Variants in CCDC7 observed in about 807,000 individuals in gnomAD.
The protein encoded by CCDC7 is coiled-coil domain-containing protein 7.
CCDC7 carries 183 observed loss-of-function variants against 196.9 expected under a neutral mutation model. The observed-to-expected ratio is 0.93, with a 90% CI of 0.82 to 1.05. The LOEUF (loss-of-function observed/expected upper bound fraction) is 1.05. CCDC7 is among the 50% of genes least tolerant of loss of function. CCDC7 has a pLI of 0.00. For synonymous variants in CCDC7, 525 were observed against 484.6 expected, an observed-to-expected ratio of 1.08 and a Z score of -1.10; for missense variants, 1,540 against 1,482.2, an observed-to-expected ratio of 1.04 and a Z score of -0.64.
intron 27 of CCDC7, 141 bp from the exon 29 acceptor site, chr10:32,729,191 T>G: frequency 1.1e-6 from 1 of 904,886 alleles, no homozygotes; most frequent in South Asian, 1.8e-5. Flanking sequence ...TGGTCATTAA[T>G]TATAAGTAGT....
chr10:32,745,195 A>G (rs1193230965), intron 28 of CCDC7, among the ~76,000 whole-genome samples: 2 of 152,278 alleles, frequency 1.3e-5, no homozygotes, highest in Non-Finnish European at 1.5e-5. Context: ...TCTTTTTATA[A>G]GACCACACTG....
intron 11 of CCDC7, among the ~76,000 whole-genome samples, chr10:32,525,406 A>G (rs1007154551): frequency 6.6e-6 from 1 of 152,142 alleles, no homozygotes; most frequent in Non-Finnish European, 1.5e-5. Flanking sequence ...CTTTTAAAAT[A>G]TTTTAATCTC....
At chr10:32,715,571 G>A (rs1483160345) in intron 25 of CCDC7, among the ~76,000 whole-genome samples, 4 of 152,192 alleles carry the variant, frequency 2.6e-5, no homozygotes, top group Non-Finnish European at 5.9e-5. Context: ...GACAGAAGTA[G>A]GCTTCAGGAG....
At chr10:32,602,265 C>T (rs2061126693) in intron 18 of CCDC7, among the ~76,000 whole-genome samples, 1 of 151,854 alleles carries the variant, frequency 6.6e-6, no homozygotes, top group Non-Finnish European at 1.5e-5. Context: ...CACGAACCCA[C>T]CAGAAAGAAG....
downstream of CCDC7, among the ~76,000 whole-genome samples, chr10:32,879,952 T>C (rs945328482): frequency 2.2e-4 from 34 of 152,184 alleles, no homozygotes; most frequent in African/African-American, 8.2e-4. Context: ...AGTCTACCAC[T>C]GATGGGCATT....
intron 13 of CCDC7, among the ~76,000 whole-genome samples, chr10:32,553,524 G>C (rs562466220): frequency 4.5e-4 from 68 of 152,206 alleles, no homozygotes; most frequent in Non-Finnish European, 6.2e-4. Flanking sequence ...TGGTTTTCTG[G>C]TTCCTTCTCA....
At chr10:32,670,714 C>T (rs555358567) in intron 21 of CCDC7, among the ~76,000 whole-genome samples, 21 of 152,066 alleles carry the variant, frequency 1.4e-4, no homozygotes, top group African/African-American at 3.9e-4. Flanking sequence ...CTACAAAGGA[C>T]GTGAACTCAT....
At chr10:32,764,560 G>A (rs892209492) in intron 28 of CCDC7, among the ~76,000 whole-genome samples, 2 of 151,934 alleles carry the variant, frequency 1.3e-5, no homozygotes, top group African/African-American at 4.8e-5. Context: ...CCTATACTAA[G>A]TGAAGTTGAA....
rs1002607591 is a variant in CCDC7, at chr10:32,486,989, GGAA to G, written c.797-4932_797-4930del. On this transcript the variant is annotated intron_variant, in intron 8 of 41. Coordinates refer to ENST00000639629, the Ensembl canonical transcript of CCDC7. Reference sequence around the variant, plus strand: ...TATGTCTTGGAGTTGCTGTTCTCGAGGAATGTCTTTGTGGTGTTCTCTGTGTTT... The same window carrying G: ...TATGTCTTGGAGTTGCTGTTCTCGAGTGTCTTTGTGGTGTTCTCTGTGTTT... Among the ~76,000 whole-genome samples the G allele has an allele frequency of 1.1e-4, 16 of 152,070 alleles. No homozygotes were observed. In the South Asian group the frequency reaches 1.5e-3, roughly 14 times the overall value.
At chr10:32,639,215 T>C (rs1348559561) in intron 20 of CCDC7, among the ~76,000 whole-genome samples, 4 of 152,292 alleles carry the variant, frequency 2.6e-5, no homozygotes, top group African/African-American at 9.6e-5. Context: ...TTGAAGGGTT[T>C]TTTGGGTCTC....
chr10:32,557,695 AT>A (rs917962955), intron 13 of CCDC7, among the ~76,000 whole-genome samples: 21 of 148,772 alleles, frequency 1.4e-4, no homozygotes, highest in African/African-American at 2.0e-4. Context: ...CCATTTGACT[AT>A]TTTTTTTTTA....
chr10:32,510,741 TG>T (rs968670472), intron 9 of CCDC7, among the ~76,000 whole-genome samples: 2 of 152,114 alleles, frequency 1.3e-5, no homozygotes, highest in African/African-American at 4.8e-5. Flanking sequence ...TTATTTTAAA[TG>T]GGACATAGAG....
At chr10:32,714,942 T>C (rs926174327) in intron 25 of CCDC7, among the ~76,000 whole-genome samples, 2 of 152,168 alleles carry the variant, frequency 1.3e-5, no homozygotes, top group South Asian at 2.1e-4. Flanking sequence ...GGACAGAGCA[T>C]CTGGGGGAAG....
intron 21 of CCDC7, 75 bp from the exon 23 acceptor site, chr10:32,685,895 T>A: frequency 2.4e-6 from 2 of 830,556 alleles, no homozygotes; most frequent in Non-Finnish European, 3.8e-6. Flanking sequence ...AAATGTTTTA[T>A]AAATTTGAAA....
intron 28 of CCDC7, among the ~76,000 whole-genome samples, chr10:32,752,423 T>G (rs1565394274): frequency 6.6e-6 from 1 of 152,182 alleles, no homozygotes; most frequent in East Asian, 1.9e-4. Context: ...CGAATTCCAT[T>G]AGCTCCTGCC....
chr10:32,679,200 G>A (rs2075485426), intron 21 of CCDC7, among the ~76,000 whole-genome samples: 1 of 152,142 alleles, frequency 6.6e-6, no homozygotes, highest in African/African-American at 2.4e-5. Context: ...ATTCACCAAA[G>A]CCCAATAAAA....
intron 24 of CCDC7, among the ~76,000 whole-genome samples, chr10:32,702,868 G>T (rs1047036263): frequency 2.6e-5 from 4 of 151,960 alleles, no homozygotes; most frequent in Non-Finnish European, 5.9e-5. Context: ...CATTTTCTTG[G>T]TAGATCTTCC....
intron 28 of CCDC7, among the ~76,000 whole-genome samples, chr10:32,778,633 T>C (rs1250008001): frequency 1.3e-5 from 2 of 152,200 alleles, no homozygotes; most frequent in Admixed American, 6.5e-5. Flanking sequence ...AACTTTGTTC[T>C]TTTTGCTTAG....
At chr10:32,711,717 A>C (rs1340804813) in exon 25 of CCDC7, 2 of 1,562,972 alleles carry the variant, frequency 1.3e-6, no homozygotes, top group African/African-American at 2.7e-5. Flanking sequence ...CTTCTGAAGG[A>C]GAAGGACGTA....
Sources: gnomAD v4.1 joint callset for allele counts (sites outside exome capture counted in the v4.1 genomes callset) on GRCh38, gnomAD v4.1.1 for gene constraint, MANE v1.5 for transcripts, NCBI Gene and HGNC (gene_info 2026-07-23, HGNC 2026-07-21) for gene names.